OR1J2: variants seen among roughly 807,000 people sequenced by gnomAD.
The protein encoded by OR1J2 is olfactory receptor 1J2.
For missense variants in OR1J2, 304 were observed against 246.1 expected, an observed-to-expected ratio of 1.24 and a Z score of -1.57; for synonymous variants, 142 against 99.7, an observed-to-expected ratio of 1.42 and a Z score of -2.52.
chr9:122,568,181 C>G, the OR1J2 span: 5 of 1,614,176 alleles, frequency 3.1e-6, no homozygotes, highest in Non-Finnish European at 4.2e-6. Context: ...ACATCTGTGT[C>G]AGACACCCAG....
At chr9:122,576,642 G>A in the OR1J2 span, 3 of 152,044 alleles carry the variant, frequency 2.0e-5, no homozygotes, top group Non-Finnish European at 2.9e-5. Flanking sequence ...TAGAACTCTG[G>A]GAGGTAAAAC....
At chr9:122,483,784 C>T in the OR1J2 span, among the ~76,000 whole-genome samples, 1 of 152,092 alleles carries the variant, frequency 6.6e-6, no homozygotes. Context: ...ATATGTTTTA[C>T]TTCTCTTTAT....
the OR1J2 span, among the ~76,000 whole-genome samples, chr9:122,556,590 C>G: frequency 0.019 from 2,943 of 152,088 alleles, 87 homozygotes; most frequent in African/African-American, 0.066. Flanking sequence ...GCCTAGATGA[C>G]AGGTTGAAAG....
the OR1J2 span, among the ~76,000 whole-genome samples, chr9:122,482,160 C>T: frequency 6.6e-6 from 1 of 151,852 alleles, no homozygotes; most frequent in Admixed American, 6.6e-5. Context: ...TGAAACAACC[C>T]AATAGCAAAA....
the OR1J2 span, among the ~76,000 whole-genome samples, chr9:122,448,695 C>T: frequency 6.6e-6 from 1 of 152,198 alleles, no homozygotes; most frequent in African/African-American, 2.4e-5. Flanking sequence ...ACCCAGCATA[C>T]TGCCTGTAAA....
the OR1J2 span, among the ~76,000 whole-genome samples, chr9:122,502,020 G>T: frequency 6.6e-6 from 1 of 152,178 alleles, no homozygotes; most frequent in South Asian, 2.1e-4. Context: ...GTTTGTAACC[G>T]AGGACTGATG....
At chr9:122,516,549 C>G (rs1263099027), downstream of OR1J2, among the ~76,000 whole-genome samples, 1 of 151,962 alleles carries the variant, frequency 6.6e-6, no homozygotes, top group East Asian at 1.9e-4. Flanking sequence ...GTGATCCGCC[C>G]GCCTCGGCCT....
chr9:122,570,581 A>C, the OR1J2 span, among the ~76,000 whole-genome samples: 1 of 152,208 alleles, frequency 6.6e-6, no homozygotes, highest in Non-Finnish European at 1.5e-5. Context: ...CATTTGAAAG[A>C]CTTAAAAGAG....
chr9:122,534,623 C>T, the OR1J2 span, among the ~76,000 whole-genome samples: 5 of 151,816 alleles, frequency 3.3e-5, no homozygotes, highest in Non-Finnish European at 5.9e-5. Context: ...GGTGGAGGAG[C>T]GGAGGCTGAG....
the OR1J2 span, among the ~76,000 whole-genome samples, chr9:122,459,776 G>T: frequency 6.6e-6 from 1 of 152,078 alleles, no homozygotes; most frequent in Non-Finnish European, 1.5e-5. Flanking sequence ...TGATTTCTGA[G>T]ATTTTGATGC....
the OR1J2 span, among the ~76,000 whole-genome samples, chr9:122,532,793 G>A: frequency 2.6e-5 from 4 of 152,152 alleles, no homozygotes; most frequent in Non-Finnish European, 5.9e-5. Context: ...GCTACAGGGT[G>A]CGGTCCCGGC....
At chr9:122,492,443 A>G in the OR1J2 span, among the ~76,000 whole-genome samples, 1 of 152,174 alleles carries the variant, frequency 6.6e-6, no homozygotes, top group Non-Finnish European at 1.5e-5. Context: ...TATCGTGAAT[A>G]GTACTGTGAT....
chr9:122,565,049 G>A, the OR1J2 span, among the ~76,000 whole-genome samples: 1 of 152,180 alleles, frequency 6.6e-6, no homozygotes, highest in Admixed American at 6.5e-5. Context: ...ACTTCCTCGT[G>A]AAATTTATAG....
chr9:122,508,015 T>G (rs1170875990), upstream of OR1J2, among the ~76,000 whole-genome samples: 6 of 152,046 alleles, frequency 3.9e-5, no homozygotes, highest in Non-Finnish European at 7.4e-5. Flanking sequence ...CAAAGTTTTA[T>G]GATGACCAAG....
the OR1J2 span, chr9:122,519,142 T>C: frequency 1.6e-5 from 26 of 1,588,210 alleles, no homozygotes; most frequent in Non-Finnish European, 2.2e-5. Context: ...ACTGTCAGCA[T>C]GAAGAGGGAG....
At chr9:122,523,559 GT>G in the OR1J2 span, among the ~76,000 whole-genome samples, 1 of 152,144 alleles carries the variant, frequency 6.6e-6, no homozygotes, top group Non-Finnish European at 1.5e-5. Flanking sequence ...CAGATAATGT[GT>G]GCCTGGATGA....
chr9:122,545,774 C>T, the OR1J2 span, among the ~76,000 whole-genome samples: 3 of 152,132 alleles, frequency 2.0e-5, no homozygotes, highest in Non-Finnish European at 1.5e-5. Context: ...TGTATGTATA[C>T]TCTCCAAAGT....
the OR1J2 span, among the ~76,000 whole-genome samples, chr9:122,538,964 T>C: frequency 6.6e-6 from 1 of 152,042 alleles, no homozygotes; most frequent in East Asian, 1.9e-4. Context: ...AGCCCAAAGT[T>C]CAACATTGTG....
At chr9:122,540,644 T>C in the OR1J2 span, among the ~76,000 whole-genome samples, 11 of 152,316 alleles carry the variant, frequency 7.2e-5, no homozygotes, top group South Asian at 2.3e-3. Context: ...TTTTTCCAAT[T>C]CTGTGCAGAA....
Sources: gnomAD v4.1 joint callset for allele counts (sites outside exome capture counted in the v4.1 genomes callset) on GRCh38, gnomAD v4.1.1 for gene constraint, MANE v1.5 for transcripts, NCBI Gene and HGNC (gene_info 2026-07-23, HGNC 2026-07-21) for gene names.